PTCH1: variants seen among roughly 807,000 people sequenced by gnomAD.
The protein encoded by PTCH1 is protein patched homolog 1.
Under a neutral mutation model 144.6 loss-of-function variants are expected in PTCH1, and 14 were observed. The ratio of observed to expected loss-of-function variants is 0.10; its 90% CI spans 0.06 to 0.15. PTCH1 has a LOEUF of 0.15. Ranked by LOEUF, PTCH1 falls within the 10% of genes least tolerant of loss-of-function variation. The probability of loss-of-function intolerance (pLI) is 1.00; values close to 1 mark genes in which losing one functional copy is unlikely to be tolerated. For synonymous variants in PTCH1, 833 were observed against 793.6 expected, an observed-to-expected ratio of 1.05 and a Z score of -0.83; for missense variants, 1,623 against 1,948.3, an observed-to-expected ratio of 0.83 and a Z score of 3.14.
intron 2 of PTCH1, among the ~76,000 whole-genome samples, chr9:95,506,018 A>C (rs1000881641): frequency 4.1e-5 from 6 of 147,576 alleles, no homozygotes; most frequent in African/African-American, 9.8e-5. Context: ...GGGAGAGAAG[A>C]AAGCCGGGCC....
intron 4 of PTCH1, 35 bp from the exon 5 acceptor site, chr9:95,482,075 G>A: frequency 6.2e-7 from 1 of 1,610,420 alleles, no homozygotes; most frequent in Non-Finnish European, 8.5e-7. Context: ...CATGCGTTAG[G>A]TTAAGGCACA....
chr9:95,469,245 C>T, intron 13 of PTCH1, 92 bp from the exon 14 acceptor site: 1 of 1,505,568 alleles, frequency 6.6e-7, no homozygotes, highest in South Asian at 1.2e-5. Flanking sequence ...GGAGAATACC[C>T]ATTTTACACA....
At chr9:95,485,664 G>A (rs1174530588) in intron 3 of PTCH1, 21 bp downstream of exon 3, 2 of 1,613,946 alleles carry the variant, frequency 1.2e-6, no homozygotes, top group Admixed American at 3.3e-5. Context: ...CTCATTAGTA[G>A]GTGGACGCGG....
chr9:95,508,539 A>C lies in PTCH1; in HGVS notation c.-178T>G. The C allele has an allele frequency of 2.0e-6, 2 of 1,007,904 alleles. No homozygotes were observed. The highest frequency in any genetic ancestry group is 1.2e-6 in the Non-Finnish European group (1 of 845,026). 62.4% of individuals were successfully genotyped at this position (1,007,904 alleles called of 1,614,324 possible). On this transcript the variant is annotated 5_prime_UTR_variant, in exon 1 of 24. Transcript: ENST00000331920. ...CAGACCAGCCGCTGCTGCTGCTCAC[A>C]CGGCGGGCGCTGCTGCCGCTGCGGC...
At chr9:95,459,454 A>G in intron 17 of PTCH1, 146 bp downstream of exon 17, 2 of 1,043,680 alleles carry the variant, frequency 1.9e-6, no homozygotes, top group Non-Finnish European at 2.9e-6. Flanking sequence ...CTCGTCTCCC[A>G]GAGTTTTAAA....
upstream of PTCH1, among the ~76,000 whole-genome samples, chr9:95,513,070 C>G (rs1844228374): frequency 2.0e-5 from 3 of 152,208 alleles, no homozygotes; most frequent in South Asian, 6.2e-4. Context: ...CTACAAATAT[C>G]CATGGCCACA....
intron 5 of PTCH1, among the ~76,000 whole-genome samples, chr9:95,481,639 A>G (rs777573637): frequency 7.9e-5 from 12 of 152,268 alleles, no homozygotes; most frequent in Non-Finnish European, 1.6e-4. Flanking sequence ...CTCGTCTTCG[A>G]AACTACGAAC....
Position 95,480,610 on chromosome 9 carries a change from G to A in PTCH1, c.747-22C>T, listed in dbSNP as rs367811144. 118 of 1,604,364 alleles carry A rather than the reference G, an allele frequency of 7.4e-5. No homozygotes were observed. The highest frequency in any genetic ancestry group is 9.9e-5 in the South Asian group (9 of 90,808). The stretch of plus-strand genomic sequence containing the variant: ...ACCTCTGCAAAAGAAATTAGGAGAC[G>A]AGACCATGAAAAGAGCCTTCTAAAC... On this transcript the variant is annotated intron_variant, in intron 5 of 23. Coordinates refer to ENST00000331920, the MANE Select transcript of PTCH1 (RefSeq NM_000264.5).
rs1378472465 is a variant in PTCH1 at position 95,468,639 on chromosome 9, GA to G, written c.2250+111del. 4.5e-5 allele frequency: 62 copies of G among 1,369,908 alleles called. No homozygotes were observed. The East Asian group carries it at 5.8e-4, about 13-fold the overall frequency. 84.9% of individuals were successfully genotyped at this position (1,369,908 alleles called of 1,614,324 possible). ...GGACTGAAATGTATCATACTTAAAC[GA>G]AATTTTTTTTTTTTTAAGGAAAAAG... On this transcript the variant is annotated intron_variant, in intron 14 of 23. Coordinates refer to ENST00000331920, the MANE Select transcript of PTCH1 (RefSeq NM_000264.5).
Position 95,468,776 on chromosome 9 carries a change from G to C in PTCH1, c.2225C>G (p.Pro742Arg), listed in dbSNP as rs1185984575. ...CTTGGCTTTTGGTTTCAAGAGGAAAGGAGCATAGTGCTTCTCAGCAAAAGA... is the reference window on the plus strand; with the variant it reads ...CTTGGCTTTTGGTTTCAAGAGGAAACGAGCATAGTGCTTCTCAGCAAAAGA... ...LSSFAEKHYA[P>R]FLLKPKAKVV... Residue 742 changes from proline to arginine, a missense_variant, in exon 14 of 24, where the codon CCT becomes CGT. Around this residue, in one of 7 missense-constraint regions of PTCH1, gnomAD observed 179 missense variants for 165.7 expected, o/e 1.08. Transcript: ENST00000331920. The C allele has an allele frequency of 1.9e-6, 3 of 1,614,192 alleles. No individual in the cohort carries two copies. Among genetic ancestry groups the C allele is most frequent in the Non-Finnish European group, 2.5e-6 (3 of 1,180,040 alleles).
chr9:95,504,226 G>C (rs1475822227), intron 2 of PTCH1, among the ~76,000 whole-genome samples: 2 of 152,038 alleles, frequency 1.3e-5, no homozygotes, highest in Non-Finnish European at 2.9e-5. Context: ...TAAGCAAAGT[G>C]AGTGTGCCCC....
At chr9:95,507,831 G>A in intron 1 of PTCH1, 1 of 891,330 alleles carries the variant, frequency 1.1e-6, no homozygotes, top group Non-Finnish European at 1.5e-6. Context: ...CAGTGCCGCG[G>A]CCGCCCTTGA....
intron 3 of PTCH1, among the ~76,000 whole-genome samples, chr9:95,485,230 G>C (rs1043865507): frequency 2.0e-5 from 3 of 152,034 alleles, no homozygotes; most frequent in Admixed American, 1.3e-4. Flanking sequence ...AAAGGTGTCA[G>C]CAACAATTCC....
Position 95,508,172 on chromosome 9 carries a change from G to C in PTCH1, c.190C>G (p.Gln64Glu). 1.9e-6 allele frequency: 3 copies of C among 1,612,694 alleles called. No homozygotes were observed. The highest frequency in any genetic ancestry group is 2.5e-6 in the Non-Finnish European group (3 of 1,179,736). Residue 64 changes from glutamine to glutamate, a missense_variant, in exon 1 of 24, where the codon CAG becomes GAG. Gln to Glu is a conservative substitution (Grantham distance 29, BLOSUM62 2). Around this residue, in one of 7 missense-constraint regions of PTCH1, gnomAD observed 245 missense variants for 240.6 expected, o/e 1.02. Coordinates refer to ENST00000331920, the MANE Select transcript of PTCH1 (RefSeq NM_000264.5). ...SYCDAAFALE[Q>E]ISKGKATGRK... The stretch of plus-strand genomic sequence containing the variant: ...AGTCTGAAATGCACCTTGGAAATCT[G>C]CTCCAGAGCGAAGGCGGCGTCGCAG...
chr9:95,516,345 G>A lies in PTCH1; in HGVS notation c.3+124C>T, dbSNP rs1388196992. 6.3e-5 allele frequency: 44 copies of A among 701,606 alleles called. No homozygotes were observed. The Admixed American group carries it at 1.8e-3, about 28-fold the overall frequency. 43.5% of individuals were successfully genotyped at this position (701,606 alleles called of 1,614,324 possible). A position where few individuals can be genotyped will look rare whatever the true frequency, so the allele number is the denominator to read the frequency against. On this transcript the variant is annotated intron_variant, in intron 1 of 22. Coordinates refer to the PTCH1 transcript ENST00000430669. The stretch of plus-strand genomic sequence containing the variant: ...GCGCGGCCCGCCCCTCCTGCCCGGC[G>A]CTCGGGGCTCGCTCCTCCGTCCGCC...
At chr9:95,493,134 C>G (rs1222661826) in intron 2 of PTCH1, among the ~76,000 whole-genome samples, 1 of 152,234 alleles carries the variant, frequency 6.6e-6, no homozygotes, top group Admixed American at 6.5e-5. Context: ...GGGATGCCAG[C>G]TGACCCAGAG....
chr9:95,509,836 TC>T (rs1435833191), upstream of PTCH1, among the ~76,000 whole-genome samples: 1 of 152,098 alleles, frequency 6.6e-6, no homozygotes, highest in African/African-American at 2.4e-5. Context: ...TTTTTTTTCC[TC>T]TTCTCTTTTC....
chr9:95,467,315 T>G lies in PTCH1; in HGVS notation c.2361A>C (p.Glu787Asp), dbSNP rs1159846014. The part of the protein sequence containing the change: ...LTDIVPRETR[E>D]YDFIAAQFKY... ...TGAATTGTGCAGCAATAAAGTCATA[T>G]TCTCTGGTTTCCCGAGGTACAATGT... The change falls in exon 15 of 24, where the codon GAA (glutamate) becomes GAC (aspartate). Residue 787 changes from glutamate to aspartate, a missense_variant. By Grantham distance (45) the Glu-to-Asp change is conservative. Around this residue, in one of 7 missense-constraint regions of PTCH1, gnomAD observed 504 missense variants for 679.3 expected, o/e 0.74. Transcript: ENST00000331920. 6 of 1,614,098 alleles carry G rather than the reference T, an allele frequency of 3.7e-6. No homozygotes were observed. Among genetic ancestry groups the G allele is most frequent in the African/African-American group, 2.7e-5 (2 of 74,940 alleles).
intron 2 of PTCH1, among the ~76,000 whole-genome samples, chr9:95,498,597 G>A (rs1162634670): frequency 1.3e-5 from 2 of 152,028 alleles, no homozygotes; most frequent in African/African-American, 4.8e-5. Flanking sequence ...GCAGTATTCT[G>A]CTGTACGGAA....
Sources: gnomAD v4.1 joint callset for allele counts (sites outside exome capture counted in the v4.1 genomes callset) on GRCh38, gnomAD v4.1.1 for gene constraint, gnomAD v4.1.1 regional missense constraint, MANE v1.5 for transcripts, NCBI Gene and HGNC (gene_info 2026-07-23, HGNC 2026-07-21) for gene names.